PTPRT: variants seen among roughly 807,000 people sequenced by gnomAD.
PTPRT encodes the protein protein tyrosine phosphatase receptor type T.
A neutral mutation model predicts 176.8 loss-of-function variants in PTPRT; 56 were observed. That is an observed-to-expected ratio of 0.32 (90% confidence interval 0.26 to 0.40). PTPRT has a LOEUF of 0.40. PTPRT is among the 10% of genes least tolerant of loss of function. The probability of loss-of-function intolerance (pLI) is 1.00; values close to 1 mark genes in which losing one functional copy is unlikely to be tolerated. For missense variants in PTPRT, 1,540 were observed against 1,908.2 expected, an observed-to-expected ratio of 0.81 and a Z score of 3.60; for synonymous variants, 783 against 739.0, an observed-to-expected ratio of 1.06 and a Z score of -0.96.
chr20:42,070,077 G>A (rs771874605), downstream of PTPRT, among the ~76,000 whole-genome samples: 4 of 152,060 alleles, frequency 2.6e-5, no homozygotes, highest in African/African-American at 4.8e-5. Context: ...AACTAGAGTG[G>A]TTTCTTTCTC....
At chr20:42,539,525 T>A (rs186857871) in intron 7 of PTPRT, among the ~76,000 whole-genome samples, 1 of 151,956 alleles carries the variant, frequency 6.6e-6, no homozygotes, top group Non-Finnish European at 1.5e-5. Flanking sequence ...TGTCTTAGTC[T>A]AGGTTTCACA....
At chr20:42,549,302 G>GA (rs546765717) in intron 7 of PTPRT, among the ~76,000 whole-genome samples, 5 of 149,384 alleles carry the variant, frequency 3.3e-5, no homozygotes, top group African/African-American at 4.9e-5. Context: ...AGTACTGATT[G>GA]AAAAAAAAAG....
intron 1 of PTPRT, among the ~76,000 whole-genome samples, chr20:43,136,666 C>A (rs892036283): frequency 6.6e-6 from 1 of 152,156 alleles, no homozygotes; most frequent in African/African-American, 2.4e-5. Flanking sequence ...GCAACACCCT[C>A]AGACACCTCC....
intron 1 of PTPRT, among the ~76,000 whole-genome samples, chr20:43,154,906 TC>T (rs536901216): frequency 2.9e-3 from 436 of 151,444 alleles, no homozygotes; most frequent in African/African-American, 0.01. Flanking sequence ...TAGACATTGA[TC>T]CAAAAAAAAA....
intron 21 of PTPRT, among the ~76,000 whole-genome samples, chr20:42,117,694 A>G (rs1014578573): frequency 1.3e-5 from 2 of 152,136 alleles, no homozygotes; most frequent in African/African-American, 4.8e-5. Context: ...GGTGGGATGG[A>G]GGGAGGAGCT....
chr20:42,310,123 G>T (rs1600815561), intron 12 of PTPRT, among the ~76,000 whole-genome samples: 1 of 152,088 alleles, frequency 6.6e-6, no homozygotes, highest in East Asian at 1.9e-4. Context: ...AAACATGTTG[G>T]AATGTTTGAG....
chr20:42,618,248 G>T (rs1394673005), intron 7 of PTPRT, among the ~76,000 whole-genome samples: 1 of 128,252 alleles, frequency 7.8e-6, no homozygotes, highest in Non-Finnish European at 1.6e-5. Flanking sequence ...TCGTTGAGCG[G>T]CTTTGAGTGA....
chr20:42,517,297 G>A (rs1273387216), intron 7 of PTPRT, among the ~76,000 whole-genome samples: 1 of 151,762 alleles, frequency 6.6e-6, no homozygotes, highest in Non-Finnish European at 1.5e-5. Flanking sequence ...ATTCTTTAGG[G>A]TAATTAGCAT....
chr20:42,904,898 T>C (rs1035568278), intron 1 of PTPRT, among the ~76,000 whole-genome samples: 19 of 152,004 alleles, frequency 1.2e-4, no homozygotes, highest in African/African-American at 2.2e-4. Context: ...CTTCCTTACA[T>C]CTTATACAAA....
intron 1 of PTPRT, among the ~76,000 whole-genome samples, chr20:42,943,514 G>GC (rs1158197725): frequency 6.6e-6 from 1 of 151,978 alleles, no homozygotes; most frequent in Admixed American, 6.5e-5. Context: ...AGCAGCAGCA[G>GC]CCTCTCCTAG....
intron 7 of PTPRT, among the ~76,000 whole-genome samples, chr20:42,584,537 A>C (rs6072802): frequency 0.59 from 89,478 of 152,010 alleles, 27,802 homozygotes; most frequent in East Asian, 0.81. Flanking sequence ...TACCTAAAAC[A>C]GGAGTCCTTT....
At chr20:42,903,422 A>C (rs892829523) in intron 1 of PTPRT, among the ~76,000 whole-genome samples, 4 of 152,258 alleles carry the variant, frequency 2.6e-5, no homozygotes, top group African/African-American at 9.6e-5. Flanking sequence ...TTATGTACCC[A>C]GTTTTTATAA....
At chr20:42,305,597 A>G (rs1417602891) in intron 12 of PTPRT, among the ~76,000 whole-genome samples, 2 of 150,988 alleles carry the variant, frequency 1.3e-5, no homozygotes, top group Non-Finnish European at 3.0e-5. Flanking sequence ...ATCAGTTTTA[A>G]CATGTGTGTG....
At chr20:43,168,098 C>T (rs1403035682) in intron 1 of PTPRT, among the ~76,000 whole-genome samples, 2 of 152,162 alleles carry the variant, frequency 1.3e-5, no homozygotes, top group Non-Finnish European at 2.9e-5. Context: ...TCATCCTAAT[C>T]CAGGAGTCAC....
At chr20:42,035,269 A>C in the PTPRT span, among the ~76,000 whole-genome samples, 2 of 152,160 alleles carry the variant, frequency 1.3e-5, no homozygotes, top group African/African-American at 4.8e-5. Context: ...CATGACAGCC[A>C]AGAGAGATTA....
At chr20:42,898,203 G>C (rs1414206925) in intron 1 of PTPRT, among the ~76,000 whole-genome samples, 1 of 152,078 alleles carries the variant, frequency 6.6e-6, no homozygotes, top group Non-Finnish European at 1.5e-5. Flanking sequence ...CCCTCTCCGA[G>C]AACCTTTTTG....
intron 16 of PTPRT, among the ~76,000 whole-genome samples, chr20:42,171,134 T>A (rs1407689014): frequency 1.3e-5 from 2 of 152,190 alleles, no homozygotes; most frequent in Non-Finnish European, 2.9e-5. Flanking sequence ...CAGAAAGGCA[T>A]TCCCTGACAC....
chr20:42,927,050 G>A (rs1317096460), intron 1 of PTPRT, among the ~76,000 whole-genome samples: 1 of 152,182 alleles, frequency 6.6e-6, no homozygotes, highest in Non-Finnish European at 1.5e-5. Flanking sequence ...ATGTGCAGGT[G>A]GGGTTGTAAG....
chr20:42,490,437 T>C (rs2071542717), intron 7 of PTPRT, among the ~76,000 whole-genome samples: 1 of 152,164 alleles, frequency 6.6e-6, no homozygotes, highest in Non-Finnish European at 1.5e-5. Context: ...TTTTATATAT[T>C]CTTAGACTAC....
Sources: gnomAD v4.1 joint callset for allele counts (sites outside exome capture counted in the v4.1 genomes callset) on GRCh38, gnomAD v4.1.1 for gene constraint, MANE v1.5 for transcripts, NCBI Gene and HGNC (gene_info 2026-07-23, HGNC 2026-07-21) for gene names.